CCDC102B: variants seen among roughly 807,000 people sequenced by gnomAD.
The protein encoded by CCDC102B is coiled-coil domain containing 102B.
In CCDC102B, 75 loss-of-function variants were observed where a neutral mutation model predicts 57.4. The observed-to-expected ratio is 1.31, with a 90% CI of 1.08 to 1.58. The LOEUF (loss-of-function observed/expected upper bound fraction) is 1.58. Ranked by LOEUF, CCDC102B falls within the 40% of genes most tolerant of loss-of-function variation. The pLI is 0.00. For missense variants in CCDC102B, 636 were observed against 582.6 expected (o/e 1.09, Z -0.94); for synonymous variants, 206 against 201.9 (o/e 1.02, Z -0.17).
chr18:68,762,378 G>A (rs1471586868), intron 2 of CCDC102B, among the ~76,000 whole-genome samples: 1 of 151,724 alleles, frequency 6.6e-6, no homozygotes, highest in East Asian at 1.9e-4. Flanking sequence ...CCTAAAATCT[G>A]TTTTTTGTTG....
chr18:68,974,135 C>T (rs1012128666), intron 6 of CCDC102B, among the ~76,000 whole-genome samples: 4 of 152,086 alleles, frequency 2.6e-5, no homozygotes, highest in African/African-American at 4.8e-5. Context: ...CATGTTGAAA[C>T]TTAATCCCTA....
chr18:68,884,916 T>C lies in CCDC102B; in HGVS notation c.1053+10131T>C, dbSNP rs778387639. ...AAAAATAGGTAACTATGTGAGGTGATGTATATGCTAATTTGCTAAACTACA... is the reference window on the plus strand; with the variant it reads ...AAAAATAGGTAACTATGTGAGGTGACGTATATGCTAATTTGCTAAACTACA... On this transcript the variant is annotated intron_variant, in intron 5 of 7. Coordinates refer to ENST00000360242, the MANE Select transcript of CCDC102B (RefSeq NM_024781.3). Among the ~76,000 whole-genome samples the C allele has an allele frequency of 5.9e-4, 90 of 151,862 alleles. 1 individual carries two copies. The highest frequency in any genetic ancestry group is 3.5e-3 in the Admixed American group (53 of 15,230).
chr18:68,915,155 C>A (rs759800114), intron 6 of CCDC102B, among the ~76,000 whole-genome samples: 1 of 152,208 alleles, frequency 6.6e-6, no homozygotes, highest in Non-Finnish European at 1.5e-5. Flanking sequence ...ATTTTCCCAT[C>A]TGCTGCACTC....
intron 2 of CCDC102B, among the ~76,000 whole-genome samples, chr18:68,775,979 G>A (rs1259790818): frequency 6.6e-6 from 1 of 152,064 alleles, no homozygotes; most frequent in Non-Finnish European, 1.5e-5. Flanking sequence ...TTCATGATAT[G>A]CAGAGTGATG....
chr18:68,908,074 G>A (rs1027751950), intron 6 of CCDC102B: 2 of 151,844 alleles, frequency 1.3e-5, no homozygotes, highest in Non-Finnish European at 1.5e-5. Context: ...TTGTTAATGT[G>A]GTGTTTTAAA....
intron 4 of CCDC102B, among the ~76,000 whole-genome samples, chr18:68,872,029 A>G (rs1435735434): frequency 1.3e-5 from 2 of 151,984 alleles, no homozygotes; most frequent in Non-Finnish European, 2.9e-5. Context: ...GGGCAAGCTG[A>G]TTGAGTTAGC....
At chr18:68,717,783 G>GTA (rs900042339) in intron 2 of CCDC102B, among the ~76,000 whole-genome samples, 3 of 152,044 alleles carry the variant, frequency 2.0e-5, no homozygotes, top group Admixed American at 1.3e-4. Flanking sequence ...CTACATTTGT[G>GTA]TATATATATA....
At chr18:68,972,514 C>T (rs1599774397) in intron 6 of CCDC102B, among the ~76,000 whole-genome samples, 1 of 152,266 alleles carries the variant, frequency 6.6e-6, no homozygotes, top group South Asian at 2.1e-4. Context: ...TCAGATTTGT[C>T]TATCTCACCT....
At chr18:68,949,797 G>A (rs1568347832) in intron 6 of CCDC102B, among the ~76,000 whole-genome samples, 1 of 152,054 alleles carries the variant, frequency 6.6e-6, no homozygotes, top group African/African-American at 2.4e-5. Context: ...AAAAGCTTCT[G>A]CTAGTATTAT....
At chr18:68,951,156 G>A (rs2049686560) in intron 6 of CCDC102B, among the ~76,000 whole-genome samples, 1 of 151,972 alleles carries the variant, frequency 6.6e-6, no homozygotes, top group Admixed American at 6.6e-5. Flanking sequence ...GTAGGGGAAG[G>A]GAAAGTGCAG....
rs1240692131 is a variant in CCDC102B, at chr18:68,897,248, G to A, written c.1083G>A (p.Ser361=). ...ELERLQAENT[S]EWDKREILER... ...AGAGATTGCAAGCTGAAAATACCTCGGAGTGGGACAAGAGGGAAATACTTG... is the reference window on the plus strand; with the variant it reads ...AGAGATTGCAAGCTGAAAATACCTCAGAGTGGGACAAGAGGGAAATACTTG... Residue 361 remains serine, a synonymous_variant, in exon 6 of 8, where the codon TCG becomes TCA. Transcript: ENST00000360242. 1.2e-5 allele frequency: 20 copies of A among 1,612,502 alleles called. No homozygotes were observed. Among genetic ancestry groups the A allele is most frequent in the South Asian group, 7.7e-5 (7 of 90,990 alleles).
At chr18:68,948,473 T>C (rs1024391108) in intron 6 of CCDC102B, among the ~76,000 whole-genome samples, 1 of 147,482 alleles carries the variant, frequency 6.8e-6, no homozygotes, top group Admixed American at 6.8e-5. Context: ...TTTTTTACAA[T>C]AAGCCAAAAT....
chr18:68,988,142 C>T (rs1297440818), intron 6 of CCDC102B, among the ~76,000 whole-genome samples: 1 of 152,032 alleles, frequency 6.6e-6, no homozygotes, highest in Non-Finnish European at 1.5e-5. Flanking sequence ...AGGGAATCAA[C>T]TAAGGTGCCC....
intron 7 of CCDC102B, among the ~76,000 whole-genome samples, chr18:69,052,827 T>G (rs545329539): frequency 4.6e-5 from 7 of 151,918 alleles, no homozygotes; most frequent in Non-Finnish European, 8.8e-5. Context: ...CATGTACAGA[T>G]TTTTGTCATT....
At chr18:69,043,119 G>T (rs1239881414) in intron 7 of CCDC102B, among the ~76,000 whole-genome samples, 1 of 152,048 alleles carries the variant, frequency 6.6e-6, no homozygotes, top group East Asian at 1.9e-4. Context: ...TGTGAACAAA[G>T]GTCTTTGCAT....
chr18:68,866,715 G>A (rs1183701433), intron 4 of CCDC102B: 9 of 532,890 alleles, frequency 1.7e-5, no homozygotes, highest in South Asian at 9.9e-5. Context: ...TTCTCATGAC[G>A]ATGTCCATTT....
At chr18:68,937,940 T>C (rs943934293) in intron 6 of CCDC102B, among the ~76,000 whole-genome samples, 1 of 152,102 alleles carries the variant, frequency 6.6e-6, no homozygotes, top group Non-Finnish European at 1.5e-5. Flanking sequence ...CATGAACTCA[T>C]CCTTTTTTAT....
intron 6 of CCDC102B, among the ~76,000 whole-genome samples, chr18:68,989,776 G>A (rs758212307): frequency 9.2e-5 from 14 of 152,126 alleles, no homozygotes; most frequent in Non-Finnish European, 1.9e-4. Flanking sequence ...CTACTGTTTC[G>A]GTCGTGGGTG....
intron 2 of CCDC102B, among the ~76,000 whole-genome samples, chr18:68,778,892 A>AC (rs1428267874): frequency 2.6e-5 from 4 of 151,644 alleles, no homozygotes; most frequent in Admixed American, 6.6e-5. Context: ...AAAAAAAAAA[A>AC]AAAACTGTGA....
Sources: allele counts gnomAD v4.1 joint callset (sites outside exome capture counted in the v4.1 genomes callset), GRCh38; gene constraint gnomAD v4.1.1; transcripts MANE v1.5; gene names NCBI Gene and HGNC (gene_info 2026-07-23, HGNC 2026-07-21).